Variants in RBMS3 observed in about 807,000 individuals in gnomAD.
The protein encoded by RBMS3 is RNA binding motif single stranded interacting protein 3.
In RBMS3, 27 loss-of-function variants were observed where a neutral mutation model predicts 66.8. The observed-to-expected ratio is 0.40, with a 90% CI of 0.30 to 0.56. The LOEUF (loss-of-function observed/expected upper bound fraction) is 0.56. Among genes scored for constraint, RBMS3 ranks in the 20% least tolerant of loss-of-function variants. RBMS3 has a pLI of 0.40. For missense variants in RBMS3, 513 were observed against 549.5 expected (o/e 0.93, Z 0.66); for synonymous variants, 188 against 183.0 (o/e 1.03, Z -0.22).
rs577226332 is a variant in RBMS3, at chr3:29,750,878, A to G, written c.557+11001A>G. ...TTATGTCCAGGTTAGTACAAATTAA[A>G]AGATAATTTTAGAATTTGAAATTTA... On this transcript the variant is annotated intron_variant, in intron 5 of 14. Transcript: ENST00000383767. Among the ~76,000 whole-genome samples the G allele has an allele frequency of 2.6e-5, 4 of 152,348 alleles. No individual in the cohort carries two copies. In the East Asian group the frequency reaches 7.7e-4, roughly 29 times the overall value.
At chr3:29,991,913 T>C (rs1444288197) in intron 14 of RBMS3, among the ~76,000 whole-genome samples, 5 of 152,160 alleles carry the variant, frequency 3.3e-5, no homozygotes, top group Non-Finnish European at 5.9e-5. Context: ...AGGAATAAAA[T>C]GGCAAGGATT....
chr3:29,920,521 T>C (rs2060744255), intron 10 of RBMS3, among the ~76,000 whole-genome samples: 1 of 152,218 alleles, frequency 6.6e-6, no homozygotes, highest in African/African-American at 2.4e-5. Flanking sequence ...AATAGATGAT[T>C]TAACCATGTG....
intron 2 of RBMS3, among the ~76,000 whole-genome samples, chr3:29,444,681 T>A (rs1489059676): frequency 6.6e-6 from 1 of 151,650 alleles, no homozygotes; most frequent in Admixed American, 6.6e-5. Flanking sequence ...ATCGAGGTCA[T>A]TGGAAAACTT....
chr3:29,710,301 C>A (rs2053108641), intron 4 of RBMS3, among the ~76,000 whole-genome samples: 1 of 152,132 alleles, frequency 6.6e-6, no homozygotes, highest in East Asian at 1.9e-4. Flanking sequence ...TCCTTCTCCT[C>A]TATGTCAATA....
rs1559371604 is a variant in RBMS3 at position 29,450,926 on chromosome 3, CACA to C, written c.248+16012_248+16014del. ...ATACACACACACACACACACACACA[CACA>C]CACCCCCCACACACACACATGGTGT... is the stretch of plus-strand genomic sequence containing the variant. On this transcript the variant is annotated intron_variant, in intron 2 of 14. Coordinates refer to ENST00000383767, the MANE Select transcript of RBMS3 (RefSeq NM_001003793.3). Among the ~76,000 whole-genome samples the C allele has an allele frequency of 2.5e-5, 3 of 118,846 alleles. No homozygotes were observed. In the South Asian group the frequency reaches 7.3e-4, roughly 29 times the overall value. The allele number at this position is 118,846 out of a possible 152,430, so 78.0% of individuals were successfully genotyped here.
intron 12 of RBMS3, among the ~76,000 whole-genome samples, chr3:29,975,470 T>C (rs1206255189): frequency 6.6e-6 from 1 of 151,904 alleles, no homozygotes; most frequent in African/African-American, 2.4e-5. Context: ...TAGGGTGTTA[T>C]ATCATAATAT....
At chr3:29,567,769 A>C (rs1380250836) in intron 3 of RBMS3, among the ~76,000 whole-genome samples, 1 of 152,138 alleles carries the variant, frequency 6.6e-6, no homozygotes, top group East Asian at 1.9e-4. Context: ...TGGTGTTCTC[A>C]ACTGGCCGAT....
At chr3:29,996,045 T>C (rs1699206713) in intron 14 of RBMS3, among the ~76,000 whole-genome samples, 1 of 151,972 alleles carries the variant, frequency 6.6e-6, no homozygotes. Context: ...GAGACACACA[T>C]AGGCTCAAAA....
intron 3 of RBMS3, among the ~76,000 whole-genome samples, chr3:29,540,670 A>G (rs2045722968): frequency 6.6e-6 from 1 of 152,182 alleles, no homozygotes; most frequent in African/African-American, 2.4e-5. Context: ...CTGAGAGGTT[A>G]GGTAACTTGT....
At chr3:29,541,946 T>G (rs1007903391) in intron 3 of RBMS3, among the ~76,000 whole-genome samples, 1 of 152,198 alleles carries the variant, frequency 6.6e-6, no homozygotes, top group Non-Finnish European at 1.5e-5. Context: ...CAGTGAGTCC[T>G]CCTCATCCCA....
chr3:29,530,530 G>C (rs776593332), intron 3 of RBMS3, among the ~76,000 whole-genome samples: 17 of 152,010 alleles, frequency 1.1e-4, no homozygotes, highest in Non-Finnish European at 2.2e-4. Flanking sequence ...TAAAGAGATG[G>C]ACTTGGCTAA....
At chr3:29,872,942 G>A (rs1038677072) in intron 7 of RBMS3, among the ~76,000 whole-genome samples, 3 of 152,032 alleles carry the variant, frequency 2.0e-5, no homozygotes, top group Non-Finnish European at 4.4e-5. Flanking sequence ...CTGTTCCGTT[G>A]GTCTATGTGC....
Position 30,002,636 on chromosome 3 carries a change from T to TA in RBMS3, c.1308-1220_1308-1219insA, listed in dbSNP as rs1221025608. 5.9e-5 allele frequency among the ~76,000 whole-genome samples: 9 copies of TA among 152,188 alleles called. No homozygotes were observed. In the South Asian group the frequency reaches 1.0e-3, roughly 18 times the overall value. ...CTTTCTCATATAACACAGTAATATA[T>TA]TTTTAGGGACTTAACCTATTGATAA... On this transcript the variant is annotated intron_variant, in intron 14 of 14. Transcript: ENST00000383767.
At chr3:29,608,336 T>G (rs1466980463) in intron 4 of RBMS3, among the ~76,000 whole-genome samples, 1 of 151,974 alleles carries the variant, frequency 6.6e-6, no homozygotes, top group Non-Finnish European at 1.5e-5. Flanking sequence ...ATTAAATAAT[T>G]GAGAATTAGC....
At chr3:29,759,473 A>T (rs993971453) in intron 5 of RBMS3, among the ~76,000 whole-genome samples, 13 of 152,140 alleles carry the variant, frequency 8.5e-5, no homozygotes, top group African/African-American at 2.4e-4. Flanking sequence ...GGTACCGCCT[A>T]GGAAGAATAG....
In RBMS3 at chr3:29,940,615, A is replaced by G. The variant is rs190982800; in HGVS notation, c.1051-3592A>G. Among the ~76,000 whole-genome samples, 297 of 151,930 alleles carry G rather than the reference A, an allele frequency of 2.0e-3. 1 individual carries two copies. The highest frequency in any genetic ancestry group is 2.0e-3 in the Non-Finnish European group (137 of 67,852). ...GGGCCAAAACCTCTTTTTCCTTTTC[A>G]TGAAAGAAGATATATTCATCTCCCA... is the stretch of plus-strand genomic sequence containing the variant. On this transcript the variant is annotated intron_variant, in intron 11 of 14. Coordinates refer to ENST00000383767, the MANE Select transcript of RBMS3 (RefSeq NM_001003793.3).
At chr3:29,607,558 A>G (rs1472721669) in intron 4 of RBMS3, among the ~76,000 whole-genome samples, 1 of 152,026 alleles carries the variant, frequency 6.6e-6, no homozygotes, top group Non-Finnish European at 1.5e-5. Flanking sequence ...TACTATTTCA[A>G]AATAAGCATT....
chr3:29,512,199 G>T (rs2044440964), intron 3 of RBMS3, among the ~76,000 whole-genome samples: 1 of 151,752 alleles, frequency 6.6e-6, no homozygotes, highest in African/African-American at 2.4e-5. Context: ...CAGTTAGTCA[G>T]GATTATTTAC....
intron 1 of RBMS3, among the ~76,000 whole-genome samples, chr3:29,380,398 A>T (rs1008046360): frequency 1.3e-5 from 2 of 152,168 alleles, no homozygotes; most frequent in African/African-American, 4.8e-5. Context: ...ACATATTTTG[A>T]TGTATACCAG....
Sources: gnomAD v4.1 joint callset for allele counts (sites outside exome capture counted in the v4.1 genomes callset) on GRCh38, gnomAD v4.1.1 for gene constraint, MANE v1.5 for transcripts, NCBI Gene and HGNC (gene_info 2026-07-23, HGNC 2026-07-21) for gene names.